The following GPC5 variants were observed in gnomAD, a reference collection of about 807,000 sequenced individuals.
GPC5 encodes glypican 5, also known as glypican-5.
GPC5 carries 47 observed loss-of-function variants against 53.9 expected under a neutral mutation model. The ratio of observed to expected loss-of-function variants is 0.87; its 90% CI spans 0.69 to 1.11. The LOEUF (loss-of-function observed/expected upper bound fraction) is 1.11, where lower values mean the gene tolerates loss of function less well. GPC5 is among the 50% of genes most tolerant of loss of function. GPC5 has a pLI of 0.00. For missense variants in GPC5, 748 were observed against 713.1 expected, an observed-to-expected ratio of 1.05 and a Z score of -0.56; for synonymous variants, 286 against 263.3, an observed-to-expected ratio of 1.09 and a Z score of -0.84.
intron 6 of GPC5, among the ~76,000 whole-genome samples, chr13:91,972,605 C>T (rs1416896392): frequency 6.6e-6 from 1 of 152,054 alleles, no homozygotes; most frequent in African/African-American, 2.4e-5. Flanking sequence ...TGGCTGGTAC[C>T]GGTTGTTCCT....
intron 7 of GPC5, among the ~76,000 whole-genome samples, chr13:92,399,703 T>C (rs1448386056): frequency 6.6e-6 from 1 of 152,182 alleles, no homozygotes; most frequent in Non-Finnish European, 1.5e-5. Context: ...TTATTACCCA[T>C]AGAGCTTGTG....
intron 6 of GPC5, among the ~76,000 whole-genome samples, chr13:91,984,673 G>A (rs1300150858): frequency 6.6e-6 from 1 of 152,128 alleles, no homozygotes; most frequent in Non-Finnish European, 1.5e-5. Flanking sequence ...TAACTAATGT[G>A]TACCTTAGTA....
At chr13:91,801,472 T>C (rs573251237) in intron 5 of GPC5, among the ~76,000 whole-genome samples, 1 of 152,320 alleles carries the variant, frequency 6.6e-6, no homozygotes, top group Non-Finnish European at 1.5e-5. Flanking sequence ...TTATACATGT[T>C]GTTCCCCTGT....
intron 7 of GPC5, among the ~76,000 whole-genome samples, chr13:92,693,383 T>C (rs1292938294): frequency 6.6e-6 from 1 of 152,100 alleles, no homozygotes; most frequent in Non-Finnish European, 1.5e-5. Flanking sequence ...TCCTAGAGAC[T>C]TGTTGGATGG....
chr13:91,813,932 T>G (rs1291450936), intron 5 of GPC5, among the ~76,000 whole-genome samples: 2 of 116,488 alleles, frequency 1.7e-5, no homozygotes, highest in East Asian at 7.6e-4. Context: ...TTTTTTTTTT[T>G]TTTTTTTTTT....
chr13:92,223,078 T>C (rs2042460917), intron 7 of GPC5, among the ~76,000 whole-genome samples: 1 of 152,162 alleles, frequency 6.6e-6, no homozygotes. Context: ...TCATAAGAGA[T>C]CATTTATTTT....
intron 7 of GPC5, among the ~76,000 whole-genome samples, chr13:92,737,770 T>TC (rs1469843680): frequency 5.7e-5 from 8 of 140,452 alleles, no homozygotes; most frequent in Admixed American, 2.9e-4. Flanking sequence ...CTTTTTCTTT[T>TC]TTTTTTTTTT....
At chr13:91,647,088 T>C (rs988633266) in intron 2 of GPC5, among the ~76,000 whole-genome samples, 43 of 97,150 alleles carry the variant, frequency 4.4e-4, no homozygotes, top group Non-Finnish European at 8.0e-4. Flanking sequence ...TGTGTGTGTG[T>C]GTGTGTGTGT....
chr13:91,471,294 GT>G (rs933022546), intron 2 of GPC5, among the ~76,000 whole-genome samples: 9 of 147,580 alleles, frequency 6.1e-5, no homozygotes, highest in East Asian at 4.0e-4. Context: ...ACCACCTGCT[GT>G]TTTTTTTTTC....
At chr13:92,291,731 G>A (rs1297388192) in intron 7 of GPC5, among the ~76,000 whole-genome samples, 1 of 152,128 alleles carries the variant, frequency 6.6e-6, no homozygotes, top group Non-Finnish European at 1.5e-5. Flanking sequence ...GGTCCACACT[G>A]CCTTTATGAG....
At chr13:92,080,570 T>C (rs1026036304) in intron 6 of GPC5, among the ~76,000 whole-genome samples, 1 of 152,222 alleles carries the variant, frequency 6.6e-6, no homozygotes, top group African/African-American at 2.4e-5. Context: ...TTGTCTTCTG[T>C]CACCCATTTT....
At chr13:92,694,588 C>T (rs1333712025) in intron 7 of GPC5, among the ~76,000 whole-genome samples, 1 of 152,186 alleles carries the variant, frequency 6.6e-6, no homozygotes, top group Non-Finnish European at 1.5e-5. Flanking sequence ...CCAATTTCTC[C>T]AATTTGCAAT....
At chr13:92,441,069 T>C (rs7320220) in intron 7 of GPC5, among the ~76,000 whole-genome samples, 44,899 of 152,046 alleles carry the variant, frequency 0.3, 7,411 homozygotes, top group East Asian at 0.61. Context: ...TTAGGTCTCA[T>C]TTATCGTTTT....
At chr13:91,930,912 G>A (rs1370118602) in intron 6 of GPC5, among the ~76,000 whole-genome samples, 3 of 152,036 alleles carry the variant, frequency 2.0e-5, no homozygotes, top group Non-Finnish European at 4.4e-5. Flanking sequence ...AGTGACACAT[G>A]CTTACTAGTT....
chr13:91,758,368 A>G lies in GPC5; in HGVS notation c.1280+1948A>G, dbSNP rs9589352. Among the ~76,000 whole-genome samples the G allele has an allele frequency of 2.7e-3, 418 of 152,170 alleles. 1 individual carries two copies. The highest frequency in any genetic ancestry group is 9.6e-3 in the African/African-American group (397 of 41,548). On this transcript the variant is annotated intron_variant, in intron 5 of 7. Coordinates refer to ENST00000377067, the MANE Select transcript of GPC5 (RefSeq NM_004466.6). ...TAATGAGAAACCCAGAGTGATTAAT[A>G]AAAATTTATTATATCATATAAATAT... is the stretch of plus-strand genomic sequence containing the variant.
rs577586090 is a variant in GPC5 at position 91,525,316 on chromosome 13, A to C, written c.325+76394A>C. Reference sequence around the variant, plus strand: ...TAAAGGAAGATGTTTATATGACAAGATCTTATATGCCTTACTAAATTTTAA... The same window carrying C: ...TAAAGGAAGATGTTTATATGACAAGCTCTTATATGCCTTACTAAATTTTAA... On this transcript the variant is annotated intron_variant, in intron 2 of 7. Coordinates refer to ENST00000377067, the MANE Select transcript of GPC5 (RefSeq NM_004466.6). 1.3e-5 allele frequency among the ~76,000 whole-genome samples: 2 copies of C among 152,330 alleles called. 1 individual carries two copies. Among genetic ancestry groups the C allele is most frequent in the South Asian group, 4.2e-4 (2 of 4,818 alleles).
chr13:91,695,261 G>A (rs1338192474), intron 3 of GPC5, among the ~76,000 whole-genome samples: 2 of 152,156 alleles, frequency 1.3e-5, no homozygotes, highest in African/African-American at 4.8e-5. Context: ...ACCTCTGGAA[G>A]GGATGCAATA....
At chr13:92,463,541 T>G (rs1878576301) in intron 7 of GPC5, among the ~76,000 whole-genome samples, 1 of 152,200 alleles carries the variant, frequency 6.6e-6, no homozygotes, top group Admixed American at 6.5e-5. Context: ...TTTTATTTCT[T>G]TAGGATAAAG....
At chr13:92,242,972 C>G (rs1463045120) in intron 7 of GPC5, among the ~76,000 whole-genome samples, 1 of 152,140 alleles carries the variant, frequency 6.6e-6, no homozygotes, top group East Asian at 1.9e-4. Flanking sequence ...ACTTAAAAAT[C>G]CAGTACATTC....
Sources: gnomAD v4.1 joint callset for allele counts (sites outside exome capture counted in the v4.1 genomes callset) on GRCh38, gnomAD v4.1.1 for gene constraint, MANE v1.5 for transcripts, NCBI Gene and HGNC (gene_info 2026-07-23, HGNC 2026-07-21) for gene names.